Variants in CNTN5 observed in about 807,000 individuals in gnomAD.
The protein encoded by CNTN5 is contactin 5.
In CNTN5, 77 loss-of-function variants were observed where a neutral mutation model predicts 129.1. That is an observed-to-expected ratio of 0.60 (90% CI 0.50 to 0.72). The LOEUF is 0.72. CNTN5 is among the 30% of genes least tolerant of loss of function. The pLI, the probability that CNTN5 is intolerant of heterozygous loss-of-function variation, is 0.00. For synonymous variants in CNTN5, 509 were observed against 465.6 expected, an observed-to-expected ratio of 1.09 and a Z score of -1.20; for missense variants, 1,478 against 1,328.8, an observed-to-expected ratio of 1.11 and a Z score of -1.75.
intron 1 of CNTN5, among the ~76,000 whole-genome samples, chr11:99,251,024 A>G (rs1274645832): frequency 6.6e-6 from 1 of 151,938 alleles, no homozygotes; most frequent in Non-Finnish European, 1.5e-5. Flanking sequence ...TAAAATTAAC[A>G]TTTTATTAAT....
intron 1 of CNTN5, among the ~76,000 whole-genome samples, chr11:99,026,777 C>T (rs1467732046): frequency 6.6e-6 from 1 of 151,518 alleles, no homozygotes; most frequent in Non-Finnish European, 1.5e-5. Flanking sequence ...GGAATTAGAA[C>T]CCACATCTCT....
At chr11:100,248,216 A>G (rs1417302576) in intron 16 of CNTN5, among the ~76,000 whole-genome samples, 2 of 152,208 alleles carry the variant, frequency 1.3e-5, no homozygotes, top group African/African-American at 2.4e-5. Flanking sequence ...TTTGAATACC[A>G]GCAAATTTCA....
At chr11:99,093,444 T>TG (rs902112192) in intron 1 of CNTN5, among the ~76,000 whole-genome samples, 4 of 119,916 alleles carry the variant, frequency 3.3e-5, no homozygotes, top group East Asian at 3.1e-4. Context: ...ATTGTTTTTC[T>TG]GTTTTTTTTT....
chr11:99,795,462 A>G (rs1945898766), intron 3 of CNTN5, among the ~76,000 whole-genome samples: 1 of 152,106 alleles, frequency 6.6e-6, no homozygotes, highest in Non-Finnish European at 1.5e-5. Flanking sequence ...TTTCTGGGGA[A>G]CTAGCATGAT....
Position 100,357,470 on chromosome 11 carries a change from T to A in CNTN5, c.*1250T>A, listed in dbSNP as rs1221657641. Reference sequence around the variant, plus strand: ...GAGCCTGAGAGATCCTAGAGAGTTGTTGGAAAATGAGATGAAAATTTTCTA... The same window carrying A: ...GAGCCTGAGAGATCCTAGAGAGTTGATGGAAAATGAGATGAAAATTTTCTA... On this transcript the variant is annotated 3_prime_UTR_variant, in exon 25 of 25. Coordinates refer to ENST00000524871, the MANE Select transcript of CNTN5 (RefSeq NM_014361.4). 6.6e-6 allele frequency: 1 copy of A among 151,640 alleles called. No individual in the cohort carries two copies. The highest frequency in any genetic ancestry group is 1.5e-5 in the Non-Finnish European group (1 of 67,778). The allele number at this position is 151,640 out of a possible 1,614,324, so 9.4% of individuals were successfully genotyped here.
At chr11:99,136,791 T>A (rs1859249159) in intron 1 of CNTN5, among the ~76,000 whole-genome samples, 1 of 152,046 alleles carries the variant, frequency 6.6e-6, no homozygotes, top group Non-Finnish European at 1.5e-5. Context: ...GTTGTTTTAA[T>A]GGATGGGTGA....
At chr11:99,991,086 G>T (rs1361842970) in intron 8 of CNTN5, among the ~76,000 whole-genome samples, 1 of 152,234 alleles carries the variant, frequency 6.6e-6, no homozygotes, top group Non-Finnish European at 1.5e-5. Context: ...TGTTATGAAT[G>T]TGACAGAATC....
intron 2 of CNTN5, among the ~76,000 whole-genome samples, chr11:99,531,759 A>G (rs10750314): frequency 0.24 from 37,064 of 152,170 alleles, 4,994 homozygotes; most frequent in Non-Finnish European, 0.31. Context: ...TCCACGTGGC[A>G]TTGAGCGTTC....
intron 13 of CNTN5, among the ~76,000 whole-genome samples, chr11:100,156,971 CGTGT>C (rs1947265738): frequency 6.6e-6 from 1 of 151,666 alleles, no homozygotes; most frequent in African/African-American, 2.4e-5. Context: ...TGAAGTTTTT[CGTGT>C]GTGTGTCTCT....
At chr11:100,004,167 CA>C (rs1940052601) in intron 9 of CNTN5, among the ~76,000 whole-genome samples, 1 of 152,164 alleles carries the variant, frequency 6.6e-6, no homozygotes, top group South Asian at 2.1e-4. Context: ...TTGTCTGTTG[CA>C]AAAACTTCAG....
intron 6 of CNTN5, among the ~76,000 whole-genome samples, chr11:99,858,061 T>C (rs1948093908): frequency 6.6e-6 from 1 of 152,110 alleles, no homozygotes; most frequent in Non-Finnish European, 1.5e-5. Flanking sequence ...AAAAGTTACC[T>C]CTTTCAGTCA....
At chr11:99,343,906 G>A (rs72983772) in intron 2 of CNTN5, among the ~76,000 whole-genome samples, 14,370 of 152,128 alleles carry the variant, frequency 0.094, 816 homozygotes, top group East Asian at 0.14. Flanking sequence ...ATTTACAGAC[G>A]CTTGTGAAAG....
intron 2 of CNTN5, among the ~76,000 whole-genome samples, chr11:99,445,075 CAATT>C (rs1258577149): frequency 2.0e-5 from 3 of 147,664 alleles, no homozygotes; most frequent in Non-Finnish European, 4.5e-5. Context: ...TATATATACA[CAATT>C]ATATTTATAT....
intron 2 of CNTN5, among the ~76,000 whole-genome samples, chr11:99,445,881 C>T (rs559849207): frequency 1.1e-4 from 16 of 151,896 alleles, no homozygotes; most frequent in Admixed American, 8.5e-4. Context: ...GTCAGGAGTT[C>T]GAGACTAGCC....
chr11:100,039,073 T>C (rs1942216568), intron 9 of CNTN5, among the ~76,000 whole-genome samples: 1 of 152,228 alleles, frequency 6.6e-6, no homozygotes. Context: ...TTGATGGTCT[T>C]TACAACTTGG....
At chr11:99,593,399 T>G (rs1950036979) in intron 3 of CNTN5, among the ~76,000 whole-genome samples, 1 of 152,188 alleles carries the variant, frequency 6.6e-6, no homozygotes, top group African/African-American at 2.4e-5. Flanking sequence ...GTCAGTTGTT[T>G]GATTCTTTAA....
intron 1 of CNTN5, among the ~76,000 whole-genome samples, chr11:99,042,365 CTT>C (rs1210153589): frequency 0.022 from 1,871 of 83,268 alleles, 8 homozygotes; most frequent in African/African-American, 0.076. Context: ...TCTTCTTCTT[CTT>C]TTTTTTTTTT....
chr11:99,357,186 T>C (rs1041217923), intron 2 of CNTN5, among the ~76,000 whole-genome samples: 1 of 152,118 alleles, frequency 6.6e-6, no homozygotes, highest in Non-Finnish European at 1.5e-5. Context: ...CTCACAGATA[T>C]GCGCTTTTAA....
At chr11:99,472,123 T>C (rs975781114) in intron 2 of CNTN5, among the ~76,000 whole-genome samples, 1 of 152,170 alleles carries the variant, frequency 6.6e-6, no homozygotes, top group African/African-American at 2.4e-5. Context: ...TCTCCGCTAC[T>C]TCCCGATGAT....
Sources: gnomAD v4.1 joint callset for allele counts (sites outside exome capture counted in the v4.1 genomes callset) on GRCh38, gnomAD v4.1.1 for gene constraint, MANE v1.5 for transcripts, NCBI Gene and HGNC (gene_info 2026-07-23, HGNC 2026-07-21) for gene names.